Variants in GAB1 observed in about 807,000 individuals in gnomAD.
GAB1 encodes the protein GRB2 associated binding protein 1, also known as GRB2-associated-binding protein 1.
In GAB1, 19 loss-of-function variants were observed where a neutral mutation model predicts 66.5. The ratio of observed to expected loss-of-function variants is 0.29; its 90% CI spans 0.20 to 0.42. GAB1 has a LOEUF of 0.42. Ranked by LOEUF, GAB1 falls within the 10% of genes least tolerant of loss-of-function variation. The probability of loss-of-function intolerance (pLI) is 1.00; values close to 1 mark genes in which losing one functional copy is unlikely to be tolerated. For synonymous variants in GAB1, 294 were observed against 301.4 expected (o/e 0.98, Z 0.25); for missense variants, 732 against 858.5 (o/e 0.85, Z 1.84).
chr4:143,372,358 T>C (rs12647531), intron 1 of GAB1, among the ~76,000 whole-genome samples: 47,131 of 152,100 alleles, frequency 0.31, 7,688 homozygotes, highest in South Asian at 0.49. Flanking sequence ...CATCTATTTA[T>C]TGAATGCTTG....
chr4:143,463,026 A>G (rs1451638886), intron 8 of GAB1, among the ~76,000 whole-genome samples: 1 of 152,186 alleles, frequency 6.6e-6, no homozygotes, highest in Non-Finnish European at 1.5e-5. Flanking sequence ...ACCCAGGAGG[A>G]CATACCTATC....
In GAB1 at chr4:143,433,724, A is replaced by G. The variant is rs768506194; in HGVS notation, c.593+8A>G. 3 of 1,593,632 alleles carry G rather than the reference A, an allele frequency of 1.9e-6. No homozygotes were observed. In the Admixed American group the frequency reaches 5.0e-5, roughly 27 times the overall value. Reference sequence around the variant, plus strand: ...GAAGCCCGAACCCACCAGGTAAATTATATATGCCCATGTGAGAGAGAGACA... The same window carrying G: ...GAAGCCCGAACCCACCAGGTAAATTGTATATGCCCATGTGAGAGAGAGACA... On this transcript the variant is annotated splice_region_variant and intron_variant, in intron 3 of 9. Coordinates refer to ENST00000262994, the MANE Select transcript of GAB1 (RefSeq NM_002039.4).
intron 1 of GAB1, among the ~76,000 whole-genome samples, chr4:143,399,958 G>A (rs986414619): frequency 4.9e-5 from 4 of 82,236 alleles, no homozygotes; most frequent in African/African-American, 8.3e-5. Flanking sequence ...TTTTTTTTTC[G>A]AGATAGGGTC....
chr4:143,412,614 G>C (rs545756833), intron 1 of GAB1, among the ~76,000 whole-genome samples: 24 of 152,112 alleles, frequency 1.6e-4, no homozygotes, highest in Non-Finnish European at 2.8e-4. Context: ...AAATCACTAC[G>C]TAGGTAAGTA....
At chr4:143,350,007 AC>A in intron 1 of GAB1, 1 of 1,571,286 alleles carries the variant, frequency 6.4e-7, no homozygotes. Flanking sequence ...TGCCTCCGCG[AC>A]CCCGGCCCCG....
chr4:143,451,456 A>G (rs748076597), intron 6 of GAB1, among the ~76,000 whole-genome samples: 7 of 152,142 alleles, frequency 4.6e-5, no homozygotes, highest in Admixed American at 2.6e-4. Context: ...GTGTACCATT[A>G]AAGAATTTTA....
At chr4:143,452,296 G>C (rs1734968216) in intron 6 of GAB1, among the ~76,000 whole-genome samples, 1 of 152,034 alleles carries the variant, frequency 6.6e-6, no homozygotes, top group African/African-American at 2.4e-5. Context: ...AATTAAAATT[G>C]TCTCATTTTT....
intron 6 of GAB1, 152 bp from the exon 7 acceptor site, chr4:143,459,233 T>G: frequency 1.6e-6 from 1 of 607,948 alleles, no homozygotes. Flanking sequence ...GGGCAAATCA[T>G]GTAACATTCA....
intron 8 of GAB1, among the ~76,000 whole-genome samples, chr4:143,464,796 C>T (rs992131584): frequency 2.6e-5 from 4 of 152,250 alleles, no homozygotes; most frequent in African/African-American, 9.6e-5. Flanking sequence ...AGCCCTGCTA[C>T]GAAATGAGAG....
chr4:143,397,394 T>C (rs927808836), intron 1 of GAB1, among the ~76,000 whole-genome samples: 1 of 152,194 alleles, frequency 6.6e-6, no homozygotes, highest in Non-Finnish European at 1.5e-5. Context: ...AACAATTCTT[T>C]TGAGTAGCCC....
intron 1 of GAB1, among the ~76,000 whole-genome samples, chr4:143,402,510 G>A (rs1214606627): frequency 1.3e-5 from 2 of 152,138 alleles, no homozygotes; most frequent in African/African-American, 4.8e-5. Context: ...TGAGGAATGG[G>A]GAAGAGATCA....
intron 7 of GAB1, among the ~76,000 whole-genome samples, chr4:143,460,024 C>CAT (rs1553956747): frequency 6.6e-6 from 1 of 150,888 alleles, no homozygotes; most frequent in African/African-American, 2.4e-5. Flanking sequence ...GTTCATGTTT[C>CAT]GTGTGTGTGT....
chr4:143,432,862 C>T (rs1228335032), intron 2 of GAB1, among the ~76,000 whole-genome samples: 3 of 152,098 alleles, frequency 2.0e-5, no homozygotes, highest in African/African-American at 7.2e-5. Context: ...GGACCTCTTT[C>T]CATGAAAATA....
chr4:143,384,513 G>A (rs981345272), intron 1 of GAB1, among the ~76,000 whole-genome samples: 1 of 152,232 alleles, frequency 6.6e-6, no homozygotes. Flanking sequence ...GTACAGGACA[G>A]GAAAGGCTGT....
intron 1 of GAB1, chr4:143,391,378 A>C (rs1731178704): frequency 6.6e-6 from 1 of 152,210 alleles, no homozygotes; most frequent in Non-Finnish European, 1.5e-5. Flanking sequence ...AAAAAGCAGT[A>C]GAAGGGATGG....
At chr4:143,462,089 A>C (rs2149793307) in intron 8 of GAB1, among the ~76,000 whole-genome samples, 1 of 152,286 alleles carries the variant, frequency 6.6e-6, no homozygotes, top group South Asian at 2.1e-4. Flanking sequence ...TCATCTATAA[A>C]AATTTTTAAA....
intron 1 of GAB1, among the ~76,000 whole-genome samples, chr4:143,405,587 C>T (rs768769379): frequency 6.6e-6 from 1 of 152,182 alleles, no homozygotes; most frequent in Non-Finnish European, 1.5e-5. Context: ...GACATTCATT[C>T]ATTTGTTCAT....
intron 1 of GAB1, among the ~76,000 whole-genome samples, chr4:143,383,588 A>G (rs148246368): frequency 0.023 from 3,428 of 152,304 alleles, 58 homozygotes; most frequent in Non-Finnish European, 0.035. Context: ...TGATTTTTCT[A>G]TACATATTTA....
chr4:143,413,626 T>G (rs534498222), intron 1 of GAB1, among the ~76,000 whole-genome samples: 1 of 152,266 alleles, frequency 6.6e-6, no homozygotes, highest in African/African-American at 2.4e-5. Context: ...TCTGCAGACA[T>G]TTTGCCTGGG....
Sources: gnomAD v4.1 joint callset for allele counts (sites outside exome capture counted in the v4.1 genomes callset) on GRCh38, gnomAD v4.1.1 for gene constraint, MANE v1.5 for transcripts, NCBI Gene and HGNC (gene_info 2026-07-23, HGNC 2026-07-21) for gene names.